Variants in CEP126 observed in about 807,000 individuals in gnomAD.
The protein encoded by CEP126 is centrosomal protein of 126 kDa.
Under a neutral mutation model 107.8 loss-of-function variants are expected in CEP126, and 74 were observed. The observed-to-expected ratio is 0.69, with a 90% confidence interval of 0.57 to 0.83. The LOEUF (loss-of-function observed/expected upper bound fraction) is 0.83, where lower values mean the gene tolerates loss of function less well. Among genes scored for constraint, CEP126 ranks in the 40% least tolerant of loss-of-function variants. The pLI, the probability that CEP126 is intolerant of heterozygous loss-of-function variation, is 0.00. For missense variants in CEP126, 1,237 were observed against 1,281.9 expected, an observed-to-expected ratio of 0.96 and a Z score of 0.53; for synonymous variants, 449 against 446.0, an observed-to-expected ratio of 1.01 and a Z score of -0.08.
At chr11:101,953,002 CTA>C (rs1182274471) in intron 4 of CEP126, among the ~76,000 whole-genome samples, 1 of 152,138 alleles carries the variant, frequency 6.6e-6, no homozygotes, top group African/African-American at 2.4e-5. Flanking sequence ...CTAGTTTTTG[CTA>C]TGTTTCTACC....
chr11:101,933,693 T>C (rs1940533070), intron 2 of CEP126, among the ~76,000 whole-genome samples: 1 of 152,050 alleles, frequency 6.6e-6, no homozygotes, highest in Non-Finnish European at 1.5e-5. Context: ...TTTCTTTCCA[T>C]ATCAGTCCCT....
intron 6 of CEP126, among the ~76,000 whole-genome samples, chr11:101,975,399 T>G (rs1380699078): frequency 6.6e-6 from 1 of 152,148 alleles, no homozygotes; most frequent in Non-Finnish European, 1.5e-5. Flanking sequence ...CAAAATATAT[T>G]TATTTCTGTG....
At chr11:101,954,626 G>T (rs1247976665) in intron 4 of CEP126, among the ~76,000 whole-genome samples, 1 of 151,612 alleles carries the variant, frequency 6.6e-6, no homozygotes, top group South Asian at 2.1e-4. Context: ...ATCTATCTGT[G>T]TGTGTATGTT....
intron 2 of CEP126, among the ~76,000 whole-genome samples, chr11:101,935,173 G>GT (rs1441170707): frequency 6.6e-6 from 1 of 151,818 alleles, no homozygotes. Context: ...TTTTGTCCGT[G>GT]TTTTAAGTTG....
intron 7 of CEP126, among the ~76,000 whole-genome samples, chr11:101,981,163 G>A (rs538967557): frequency 9.3e-5 from 14 of 151,194 alleles, no homozygotes; most frequent in African/African-American, 2.7e-4. Context: ...GTTTTGTCAC[G>A]TAAGATAATT....
intron 7 of CEP126, among the ~76,000 whole-genome samples, chr11:101,980,776 G>A (rs1941246542): frequency 6.6e-6 from 1 of 152,148 alleles, no homozygotes; most frequent in Non-Finnish European, 1.5e-5. Flanking sequence ...AAATCTCAAA[G>A]AGATAAGTGA....
chr11:101,963,675 T>G lies in CEP126; in HGVS notation c.2640T>G (p.Ser880=), dbSNP rs781446719. 15 of 1,614,042 alleles carry G rather than the reference T, an allele frequency of 9.3e-6. No individual in the cohort carries two copies. The highest frequency in any genetic ancestry group is 1.3e-5 in the Non-Finnish European group (15 of 1,180,042). ...TACCATCACTGCCATCATATTGTTCTTCAGAGTGCCAAACTTTCGCAAAAA... is the reference window on the plus strand; with the variant it reads ...TACCATCACTGCCATCATATTGTTCGTCAGAGTGCCAAACTTTCGCAAAAA... ...TVIPSLPSYC[S]SECQTFAKIN... The change falls in exon 6 of 11, where the codon TCT becomes TCG. Residue 880 remains serine, a synonymous_variant. Coordinates refer to ENST00000263468, the MANE Select transcript of CEP126 (RefSeq NM_020802.4).
At position 101,997,676 on chromosome 11, in the gene CEP126, T is replaced by C. The variant is rs1941459267; in HGVS notation, c.*33T>C. 3 of 1,613,496 alleles carry C rather than the reference T, an allele frequency of 1.9e-6. No homozygotes were observed. The highest frequency in any genetic ancestry group is 2.2e-5 in the South Asian group (2 of 91,080). On this transcript the variant is annotated 3_prime_UTR_variant, in exon 11 of 11. Coordinates refer to ENST00000263468, the MANE Select transcript of CEP126 (RefSeq NM_020802.4). Reference sequence around the variant, plus strand: ...AGAATCCGTCTAAGAAGACCTTTCATGTACTTCCCTAGGACTAGATGCATA... The same window carrying C: ...AGAATCCGTCTAAGAAGACCTTTCACGTACTTCCCTAGGACTAGATGCATA...
intron 6 of CEP126, among the ~76,000 whole-genome samples, 198 bp from the exon 7 acceptor site, chr11:101,978,148 GC>G (rs1308630358): frequency 2.6e-5 from 4 of 152,156 alleles, no homozygotes; most frequent in African/African-American, 9.7e-5. Context: ...TCCCTCAGAA[GC>G]AAGGATTTTG....
chr11:101,964,650 C>A (rs67549056), intron 6 of CEP126, among the ~76,000 whole-genome samples: 38,943 of 102,290 alleles, frequency 0.38, 5,526 homozygotes, highest in East Asian at 0.62. Context: ...AAAAAAAAAA[C>A]AACAACAACA....
chr11:101,987,115 T>C, intron 9 of CEP126, 74 bp downstream of exon 9: 1 of 1,099,346 alleles, frequency 9.1e-7, no homozygotes, highest in Non-Finnish European at 1.3e-6. Flanking sequence ...AACTTTAATT[T>C]AAAAATTGAA....
Position 101,978,441 on chromosome 11 carries a change from G to A in CEP126, c.2940G>A (p.Lys980=). 2 of 1,603,880 alleles carry A rather than the reference G, an allele frequency of 1.2e-6. No homozygotes were observed. The highest frequency in any genetic ancestry group is 1.7e-6 in the Non-Finnish European group (2 of 1,171,402). ...AAAACCCTGGATCTGTAGGACAGAA[G>A]TACAGTGAGCAAATTAATGTAAGTA... ...KRQNPGSVGQ[K]YSEQINNFGQ... The change falls in exon 7 of 11, where the codon AAG becomes AAA. Residue 980 remains lysine (K), a synonymous_variant. Coordinates refer to ENST00000263468, the MANE Select transcript of CEP126 (RefSeq NM_020802.4).
At chr11:101,968,823 TCTGTTA>T (rs943298517) in intron 6 of CEP126, among the ~76,000 whole-genome samples, 3 of 152,184 alleles carry the variant, frequency 2.0e-5, no homozygotes, top group African/African-American at 7.2e-5. Flanking sequence ...CTTAGTGTTG[TCTGTTA>T]CTAATGAATA....
intron 2 of CEP126, among the ~76,000 whole-genome samples, chr11:101,935,907 G>C (rs1940571054): frequency 6.6e-6 from 1 of 152,014 alleles, no homozygotes; most frequent in Non-Finnish European, 1.5e-5. Flanking sequence ...CATTGTCAAA[G>C]ATCCACTTGA....
Position 101,958,303 on chromosome 11 carries a change from G to A in CEP126, c.642G>A (p.Val214=), listed in dbSNP as rs761887787. Residue 214 remains valine, a synonymous_variant, in exon 5 of 11, where the codon GTG becomes GTA. Transcript: ENST00000263468. ...CAACCTTGGCTACTAGCAAAAATGT[G>A]TTCCAGCTTAAACTGGAGGAAACTC... The part of the protein sequence containing the change: ...MRATLATSKN[V]FQLKLEETQK... 1.2e-6 allele frequency: 2 copies of A among 1,613,842 alleles called. No individual in the cohort carries two copies. The highest frequency in any genetic ancestry group is 1.7e-6 in the Non-Finnish European group (2 of 1,179,930).
intron 8 of CEP126, among the ~76,000 whole-genome samples, chr11:101,983,169 T>C (rs1941276801): frequency 6.6e-6 from 1 of 152,196 alleles, no homozygotes; most frequent in South Asian, 2.1e-4. Flanking sequence ...GACCTGAAGA[T>C]ACCCCTGTGG....
chr11:101,970,937 T>C (rs1941119886), intron 6 of CEP126, among the ~76,000 whole-genome samples: 1 of 152,194 alleles, frequency 6.6e-6, no homozygotes, highest in African/African-American at 2.4e-5. Context: ...TAAGGCATTA[T>C]GATTCTATGT....
intron 9 of CEP126, among the ~76,000 whole-genome samples, chr11:101,992,269 ATT>A (rs1255374804): frequency 1.3e-5 from 2 of 152,214 alleles, no homozygotes; most frequent in Admixed American, 1.3e-4. Flanking sequence ...AATTTTTTAA[ATT>A]TTTGTTTGAT....
chr11:101,997,081 A>G (rs1367241573), intron 10 of CEP126, among the ~76,000 whole-genome samples: 1 of 152,206 alleles, frequency 6.6e-6, no homozygotes, highest in African/African-American at 2.4e-5. Context: ...TCTGTCACCC[A>G]GGCTGGAGTA....
Sources: allele counts gnomAD v4.1 joint callset (sites outside exome capture counted in the v4.1 genomes callset), GRCh38; gene constraint gnomAD v4.1.1; transcripts MANE v1.5; gene names NCBI Gene and HGNC (gene_info 2026-07-23, HGNC 2026-07-21).